The following SPAG16 variants were observed in gnomAD, a reference collection of about 807,000 sequenced individuals.
The protein encoded by SPAG16 is sperm associated antigen 16, also known as sperm-associated antigen 16 protein.
A neutral mutation model predicts 80.4 loss-of-function variants in SPAG16; 86 were observed. The observed-to-expected ratio is 1.07, with a 90% confidence interval of 0.90 to 1.28. The LOEUF (loss-of-function observed/expected upper bound fraction) is 1.28, where lower values mean the gene tolerates loss of function less well. Among genes scored for constraint, SPAG16 ranks in the 50% most tolerant of loss-of-function variants. The pLI, the probability that SPAG16 is intolerant of heterozygous loss-of-function variation, is 0.00. For synonymous variants in SPAG16, 294 were observed against 265.9 expected (o/e 1.11, Z -1.03); for missense variants, 870 against 765.3 (o/e 1.14, Z -1.61).
At chr2:213,802,487 T>C (rs1176333364) in intron 10 of SPAG16, among the ~76,000 whole-genome samples, 1 of 152,110 alleles carries the variant, frequency 6.6e-6, no homozygotes, top group Admixed American at 6.5e-5. Flanking sequence ...GATCTGATTG[T>C]ATAACCCAAT....
At chr2:213,724,846 C>A (rs2066694246) in intron 10 of SPAG16, among the ~76,000 whole-genome samples, 2 of 145,458 alleles carry the variant, frequency 1.4e-5, no homozygotes, top group South Asian at 2.2e-4. Context: ...TGAAAACATG[C>A]CAGATCATCC....
At chr2:213,305,003 A>T (rs1360590856) in intron 3 of SPAG16, among the ~76,000 whole-genome samples, 1 of 152,176 alleles carries the variant, frequency 6.6e-6, no homozygotes, top group South Asian at 2.1e-4. Flanking sequence ...CTTCTAATCC[A>T]TGAACATGGA....
chr2:213,822,798 C>T lies in SPAG16; in HGVS notation c.1071-39687C>T, dbSNP rs560945341. ...ATGCCCATGTGTTCTCAAGGTTCAA[C>T]TCCCACTTATGAGTGAGAATATGCA... On this transcript the variant is annotated intron_variant, in intron 10 of 15. Coordinates refer to ENST00000331683, the MANE Select transcript of SPAG16 (RefSeq NM_024532.5). Among the ~76,000 whole-genome samples, 6 of 152,202 alleles carry T rather than the reference C, an allele frequency of 3.9e-5. No homozygotes were observed. The East Asian group carries it at 1.2e-3, about 29-fold the overall frequency.
chr2:213,780,709 A>G (rs910679492), intron 10 of SPAG16, among the ~76,000 whole-genome samples: 8 of 151,148 alleles, frequency 5.3e-5, no homozygotes, highest in Non-Finnish European at 8.8e-5. Flanking sequence ...TTTATGTACT[A>G]TTACCTTTGT....
intron 13 of SPAG16, among the ~76,000 whole-genome samples, chr2:214,018,226 G>A (rs763148249): frequency 2.6e-5 from 4 of 151,934 alleles, no homozygotes; most frequent in Non-Finnish European, 5.9e-5. Flanking sequence ...CAACTGTGGC[G>A]ACTTCATTTC....
At chr2:213,834,359 GGTGT>G (rs1369011691) in intron 10 of SPAG16, among the ~76,000 whole-genome samples, 1 of 152,152 alleles carries the variant, frequency 6.6e-6, no homozygotes, top group Admixed American at 6.6e-5. Flanking sequence ...CAGGGAAAAT[GGTGT>G]GTTTTTATGC....
At position 214,047,523 on chromosome 2, in the gene SPAG16, C is replaced by T. The variant is rs150360896; in HGVS notation, c.1527+33446C>T. Among the ~76,000 whole-genome samples, 12 of 152,192 alleles carry T rather than the reference C, an allele frequency of 7.9e-5. No homozygotes were observed. The South Asian group carries it at 1.9e-3, about 24-fold the overall frequency. On this transcript the variant is annotated intron_variant, in intron 13 of 15. Coordinates refer to ENST00000331683, the MANE Select transcript of SPAG16 (RefSeq NM_024532.5). ...GAATGAAACTAGACCCTGTCTCTTG[C>T]CATACACAGAAATCAAATCAAAATG...
chr2:213,804,774 G>T (rs889871277), intron 10 of SPAG16, among the ~76,000 whole-genome samples: 2 of 152,188 alleles, frequency 1.3e-5, no homozygotes, highest in African/African-American at 4.8e-5. Flanking sequence ...CCCTGTGCGG[G>T]ATGGTGAGAA....
intron 9 of SPAG16, among the ~76,000 whole-genome samples, chr2:213,471,570 C>T (rs2073080341): frequency 2.0e-5 from 3 of 152,138 alleles, no homozygotes; most frequent in African/African-American, 4.8e-5. Context: ...TTTTAGAGGC[C>T]TCTGCTGTGA....
chr2:213,561,275 AT>A (rs1329623808), intron 10 of SPAG16, among the ~76,000 whole-genome samples: 2 of 152,216 alleles, frequency 1.3e-5, no homozygotes, highest in South Asian at 2.1e-4. Flanking sequence ...ATTACCTTTA[AT>A]TTTTTACTAT....
chr2:214,402,551 GTGA>G (rs1286563351), intron 15 of SPAG16, among the ~76,000 whole-genome samples: 2 of 151,896 alleles, frequency 1.3e-5, no homozygotes, highest in African/African-American at 4.8e-5. Context: ...TATTATTTGG[GTGA>G]GGCTAAGGGG....
rs192895405 is a variant in SPAG16 at position 213,936,004 on chromosome 2, A to G, written c.1400+5859A>G. Among the ~76,000 whole-genome samples, 329 of 150,400 alleles carry G rather than the reference A, an allele frequency of 2.2e-3. 1 individual carries two copies. The highest frequency in any genetic ancestry group is 3.9e-3 in the Non-Finnish European group (262 of 66,776). On this transcript the variant is annotated intron_variant, in intron 12 of 15. Coordinates refer to ENST00000331683, the MANE Select transcript of SPAG16 (RefSeq NM_024532.5). Reference sequence around the variant, plus strand: ...ATGACAAATTTTGTAGAGGAAAACTAGAGCACAGGTGAAAAGGGATAGCAG... The same window carrying G: ...ATGACAAATTTTGTAGAGGAAAACTGGAGCACAGGTGAAAAGGGATAGCAG...
intron 9 of SPAG16, among the ~76,000 whole-genome samples, chr2:213,468,499 A>G (rs1373224090): frequency 1.5e-5 from 1 of 65,898 alleles, no homozygotes; most frequent in South Asian, 3.9e-4. Flanking sequence ...ATGTATTTAT[A>G]TATAGATATA....
chr2:213,424,400 C>G (rs2069780435), intron 9 of SPAG16, among the ~76,000 whole-genome samples: 1 of 151,712 alleles, frequency 6.6e-6, no homozygotes, highest in African/African-American at 2.4e-5. Flanking sequence ...TTTTTTAAAC[C>G]CGACTTTATG....
chr2:214,023,899 T>C (rs1440674498), intron 13 of SPAG16, among the ~76,000 whole-genome samples: 1 of 151,740 alleles, frequency 6.6e-6, no homozygotes, highest in Non-Finnish European at 1.5e-5. Flanking sequence ...ATAATTTAAT[T>C]AATTGAATTA....
At chr2:214,064,645 A>G (rs914498039) in intron 13 of SPAG16, among the ~76,000 whole-genome samples, 1 of 152,134 alleles carries the variant, frequency 6.6e-6, no homozygotes, top group African/African-American at 2.4e-5. Context: ...AATTACAGAA[A>G]TCAGATATAA....
intron 15 of SPAG16, among the ~76,000 whole-genome samples, chr2:214,234,617 C>T (rs949437410): frequency 2.6e-5 from 4 of 152,010 alleles, no homozygotes; most frequent in Non-Finnish European, 4.4e-5. Flanking sequence ...TTGTAGTTTT[C>T]ATTTGCATTT....
At chr2:213,408,461 A>C (rs2068787008) in intron 9 of SPAG16, among the ~76,000 whole-genome samples, 1 of 152,272 alleles carries the variant, frequency 6.6e-6, no homozygotes, top group South Asian at 2.1e-4. Context: ...AAGTCAAAAA[A>C]AGCAAAAAGG....
rs554573673 is a variant in SPAG16 at position 213,363,326 on chromosome 2, C to CT, written c.763-742dup. Among the ~76,000 whole-genome samples the CT allele has an allele frequency of 1.7e-3, 257 of 151,302 alleles. 1 individual carries two copies. Among genetic ancestry groups the CT allele is most frequent in the African/African-American group, 5.8e-3 (240 of 41,308 alleles). On this transcript the variant is annotated intron_variant, in intron 7 of 15. Coordinates refer to ENST00000331683, the MANE Select transcript of SPAG16 (RefSeq NM_024532.5). ...TCTAGGAATAGATAGTAATCTTTTA[C>CT]TTTTTTTTAACCTAGGCATTTCATG...
Sources: gnomAD v4.1 joint callset for allele counts (sites outside exome capture counted in the v4.1 genomes callset) on GRCh38, gnomAD v4.1.1 for gene constraint, MANE v1.5 for transcripts, NCBI Gene and HGNC (gene_info 2026-07-23, HGNC 2026-07-21) for gene names.